The following INSL6 variants were observed in gnomAD, a reference collection of about 807,000 sequenced individuals.
The protein encoded by INSL6 is insulin-like peptide INSL6.
Under a neutral mutation model 9.4 loss-of-function variants are expected in INSL6, and 16 were observed. That is an observed-to-expected ratio of 1.70 (90% CI 1.15 to 2.59). The LOEUF (loss-of-function observed/expected upper bound fraction) is 2.59, where lower values mean the gene tolerates loss of function less well. Ranked by LOEUF, INSL6 falls within the 30% of genes most tolerant of loss-of-function variation. The probability of loss-of-function intolerance (pLI) is 0.00; values close to 1 mark genes in which losing one functional copy is unlikely to be tolerated. For missense variants in INSL6, 391 were observed against 257.3 expected (o/e 1.52, Z -3.56); for synonymous variants, 154 against 96.9 (o/e 1.59, Z -3.46).
downstream of INSL6, among the ~76,000 whole-genome samples, chr9:5,160,021 C>T (rs1824892210): frequency 6.6e-6 from 1 of 151,826 alleles, no homozygotes; most frequent in Admixed American, 6.6e-5. Context: ...TAAAAAAATA[C>T]AAAAATTAGC....
intron 3 of INSL6, among the ~76,000 whole-genome samples, chr9:5,133,004 T>TGG (rs1424083874): frequency 1.3e-5 from 2 of 152,192 alleles, no homozygotes; most frequent in Admixed American, 1.3e-4. Context: ...ATGTTGGACC[T>TGG]GGGGTAGTGA....
At chr9:5,184,014 A>C (rs948537831) in intron 1 of INSL6, among the ~76,000 whole-genome samples, 1 of 152,216 alleles carries the variant, frequency 6.6e-6, no homozygotes, top group African/African-American at 2.4e-5. Context: ...CCTTCATTAT[A>C]ACAGAAGGAC....
At chr9:5,092,093 A>ATAAAG in the INSL6 span, among the ~76,000 whole-genome samples, 7 of 152,292 alleles carry the variant, frequency 4.6e-5, 1 homozygote, top group East Asian at 1.2e-3. Context: ...ACCTAAGGTT[A>ATAAAG]TAAAGTAAGC....
chr9:5,033,210 GAAAC>G, the INSL6 span, among the ~76,000 whole-genome samples: 2 of 152,116 alleles, frequency 1.3e-5, no homozygotes, highest in South Asian at 2.1e-4. Context: ...GGAATAAAAG[GAAAC>G]AAACAAAGCC....
the INSL6 span, among the ~76,000 whole-genome samples, chr9:5,010,019 G>C: frequency 6.6e-6 from 1 of 152,114 alleles, no homozygotes; most frequent in African/African-American, 2.4e-5. Context: ...CGATCCTCTC[G>C]CCTTGGACTT....
At chr9:5,095,300 A>G in the INSL6 span, among the ~76,000 whole-genome samples, 1 of 152,078 alleles carries the variant, frequency 6.6e-6, no homozygotes, top group African/African-American at 2.4e-5. Flanking sequence ...CTACGCTCAC[A>G]CTGATTTCTT....
chr9:5,133,992 A>T (rs1312274384), intron 2 of INSL6, among the ~76,000 whole-genome samples: 2 of 152,222 alleles, frequency 1.3e-5, no homozygotes, highest in African/African-American at 4.8e-5. Context: ...CAGTTTAGAG[A>T]AGAACATAAA....
At chr9:5,091,436 C>G in the INSL6 span, 1 of 152,064 alleles carries the variant, frequency 6.6e-6, no homozygotes, top group Non-Finnish European at 1.5e-5. Flanking sequence ...GTGGTGATCA[C>G]GGTTGATTTT....
At chr9:5,114,806 A>C in the INSL6 span, 1 of 284,734 alleles carries the variant, frequency 3.5e-6, no homozygotes, top group African/African-American at 2.2e-5. Context: ...ATCCCATTAA[A>C]TGTCCTCCTG....
chr9:5,045,732 A>T, the INSL6 span, among the ~76,000 whole-genome samples: 1 of 152,208 alleles, frequency 6.6e-6, no homozygotes, highest in South Asian at 2.1e-4. Flanking sequence ...TCCATGTTGT[A>T]GCATGTGCCA....
chr9:5,102,690 A>T, the INSL6 span, among the ~76,000 whole-genome samples: 17,301 of 152,166 alleles, frequency 0.11, 3,048 homozygotes, highest in African/African-American at 0.38. Flanking sequence ...CTAACAGCGG[A>T]TCTCTCAGCA....
chr9:5,073,427 C>T, the INSL6 span, among the ~76,000 whole-genome samples: 1 of 152,150 alleles, frequency 6.6e-6, no homozygotes, highest in East Asian at 1.9e-4. Flanking sequence ...TGTTATGGGT[C>T]AAGCCTGTTT....
At chr9:5,042,587 C>T in the INSL6 span, among the ~76,000 whole-genome samples, 1 of 138,826 alleles carries the variant, frequency 7.2e-6, no homozygotes, top group South Asian at 2.3e-4. Flanking sequence ...ATCCTGGAGG[C>T]CCCCAGGGCT....
intron 2 of INSL6, among the ~76,000 whole-genome samples, chr9:5,135,024 G>A (rs1474868981): frequency 2.0e-5 from 3 of 152,080 alleles, no homozygotes; most frequent in Non-Finnish European, 4.4e-5. Context: ...AGAAAAAGCA[G>A]GGGTTGCAAT....
intron 1 of INSL6, among the ~76,000 whole-genome samples, chr9:5,179,092 G>A (rs1382835507): frequency 6.6e-6 from 1 of 150,436 alleles, no homozygotes; most frequent in East Asian, 1.9e-4. Flanking sequence ...TACAGAATGG[G>A]AGAAAATTTC....
the INSL6 span, among the ~76,000 whole-genome samples, chr9:5,023,472 A>T: frequency 1.3e-5 from 2 of 152,066 alleles, no homozygotes; most frequent in Non-Finnish European, 2.9e-5. Flanking sequence ...TCCTCACTGG[A>T]ATAGGAAATG....
intron 1 of INSL6, among the ~76,000 whole-genome samples, chr9:5,180,335 TA>T (rs1219617174): frequency 1.3e-5 from 2 of 152,198 alleles, no homozygotes; most frequent in African/African-American, 4.8e-5. Flanking sequence ...AAGAACAGAA[TA>T]ACAGCAATTT....
chr9:5,157,589 C>G (rs1216933569), intron 2 of INSL6, among the ~76,000 whole-genome samples: 1 of 151,980 alleles, frequency 6.6e-6, no homozygotes, highest in Non-Finnish European at 1.5e-5. Flanking sequence ...GTATCACAGA[C>G]CTAATATAAA....
downstream of INSL6, among the ~76,000 whole-genome samples, chr9:5,120,412 C>A (rs1200410818): frequency 6.6e-6 from 1 of 152,112 alleles, no homozygotes; most frequent in African/African-American, 2.4e-5. Context: ...CAGGATTTTG[C>A]CCATGATATC....
Sources: allele counts gnomAD v4.1 joint callset (sites outside exome capture counted in the v4.1 genomes callset), GRCh38; gene constraint gnomAD v4.1.1; transcripts MANE v1.5; gene names NCBI Gene and HGNC (gene_info 2026-07-23, HGNC 2026-07-21).